SLC24A2: variants seen among roughly 807,000 people sequenced by gnomAD.
The protein encoded by SLC24A2 is sodium/potassium/calcium exchanger 2.
SLC24A2 carries 36 observed loss-of-function variants against 62.0 expected under a neutral mutation model. The observed-to-expected ratio is 0.58, with a 90% confidence interval of 0.44 to 0.77. The LOEUF is 0.77. Ranked by LOEUF, SLC24A2 falls within the 30% of genes least tolerant of loss-of-function variation. SLC24A2 has a pLI of 0.00. For missense variants in SLC24A2, 846 were observed against 817.9 expected, an observed-to-expected ratio of 1.03 and a Z score of -0.42; for synonymous variants, 358 against 294.0, an observed-to-expected ratio of 1.22 and a Z score of -2.23.
chr9:20,203,482 T>C, the SLC24A2 span, among the ~76,000 whole-genome samples: 1 of 152,268 alleles, frequency 6.6e-6, no homozygotes, highest in Admixed American at 6.5e-5. Flanking sequence ...TCTCAGGACT[T>C]GCATGCATCA....
Position 19,714,966 on chromosome 9 carries a change from A to G in SLC24A2, c.930+70971T>C, listed in dbSNP as rs80231625. On this transcript the variant is annotated intron_variant, in intron 2 of 10. Transcript: ENST00000341998. Reference sequence around the variant, plus strand: ...TGGAGAGATGTAAGTCAAATGATACAAAGTAATCCAAGAATTTATGTGAGA... The same window carrying G: ...TGGAGAGATGTAAGTCAAATGATACGAAGTAATCCAAGAATTTATGTGAGA... Among the ~76,000 whole-genome samples, 1,281 of 152,236 alleles carry G rather than the reference A, an allele frequency of 8.4e-3. 68 individuals are homozygous for G. The East Asian group carries it at 0.16, about 19-fold the overall frequency.
chr9:19,538,258 G>A lies in SLC24A2; in HGVS notation c.1480-10120C>T, dbSNP rs1471951279. 2.9e-5 allele frequency among the ~76,000 whole-genome samples: 4 copies of A among 138,442 alleles called. No homozygotes were observed. In the East Asian group the frequency reaches 8.5e-4, roughly 29 times the overall value. The allele number at this position is 138,442 out of a possible 152,430, so 90.8% of individuals were successfully genotyped here. ...ACACTATGTTGAATAGGAGTGGTGA[G>A]AGAGGGCATCCCTGTCTTGTGCCAG... is the stretch of plus-strand genomic sequence containing the variant. On this transcript the variant is annotated intron_variant, in intron 8 of 10. Transcript: ENST00000341998.
At chr9:20,267,601 T>G in the SLC24A2 span, among the ~76,000 whole-genome samples, 1 of 152,158 alleles carries the variant, frequency 6.6e-6, no homozygotes, top group Non-Finnish European at 1.5e-5. Flanking sequence ...GCCTCACCTT[T>G]TCATGGGCTC....
chr9:19,765,207 G>C (rs1822474263), intron 2 of SLC24A2, among the ~76,000 whole-genome samples: 1 of 151,964 alleles, frequency 6.6e-6, no homozygotes, highest in African/African-American at 2.4e-5. Context: ...CATTAGATGG[G>C]TCTCCTGAAT....
At chr9:19,631,615 T>C (rs954053019) in intron 2 of SLC24A2, among the ~76,000 whole-genome samples, 4 of 152,290 alleles carry the variant, frequency 2.6e-5, no homozygotes, top group South Asian at 2.1e-4. Flanking sequence ...TCTGCAAACA[T>C]AGAAGTTTTG....
At chr9:20,208,283 G>T in the SLC24A2 span, among the ~76,000 whole-genome samples, 1 of 152,170 alleles carries the variant, frequency 6.6e-6, no homozygotes, top group African/African-American at 2.4e-5. Context: ...GCATTTGCCA[G>T]CTTTACCAGG....
chr9:20,202,518 G>A, the SLC24A2 span, among the ~76,000 whole-genome samples: 68 of 152,280 alleles, frequency 4.5e-4, no homozygotes, highest in African/African-American at 1.5e-3. Flanking sequence ...CAGTTATGGC[G>A]GGGCCTGAGG....
chr9:20,000,107 T>C, the SLC24A2 span, among the ~76,000 whole-genome samples: 75,885 of 152,002 alleles, frequency 0.5, 19,763 homozygotes, highest in Non-Finnish European at 0.57. Context: ...TTTCTCTGAT[T>C]TACTATTTTT....
the SLC24A2 span, among the ~76,000 whole-genome samples, chr9:19,890,104 C>A: frequency 6.6e-6 from 1 of 152,214 alleles, no homozygotes; most frequent in Non-Finnish European, 1.5e-5. Flanking sequence ...ACACCCGTCT[C>A]TTTCTCTATC....
At chr9:19,844,926 A>T in the SLC24A2 span, among the ~76,000 whole-genome samples, 1 of 145,966 alleles carries the variant, frequency 6.9e-6, no homozygotes, top group African/African-American at 2.5e-5. Context: ...TAGCCTTAGT[A>T]TAGTTTGAAG....
the SLC24A2 span, among the ~76,000 whole-genome samples, chr9:19,975,782 T>C: frequency 6.6e-6 from 1 of 152,206 alleles, no homozygotes; most frequent in African/African-American, 2.4e-5. Flanking sequence ...TGGCTTATCC[T>C]GGCTTTAACC....
At chr9:20,071,376 G>A in the SLC24A2 span, among the ~76,000 whole-genome samples, 1 of 152,088 alleles carries the variant, frequency 6.6e-6, no homozygotes, top group Non-Finnish European at 1.5e-5. Flanking sequence ...TTACTACCAT[G>A]AACAATGCCT....
At chr9:19,781,390 G>A (rs1823016154) in intron 2 of SLC24A2, among the ~76,000 whole-genome samples, 1 of 117,464 alleles carries the variant, frequency 8.5e-6, no homozygotes, top group Non-Finnish European at 1.9e-5. Context: ...AAGGTGGAAG[G>A]GAGAGATAAT....
the SLC24A2 span, among the ~76,000 whole-genome samples, chr9:19,830,878 T>C: frequency 6.6e-6 from 1 of 152,194 alleles, no homozygotes; most frequent in Admixed American, 6.5e-5. Flanking sequence ...AATAGAAATA[T>C]ATGTCTCACA....
At chr9:20,091,162 A>AT in the SLC24A2 span, among the ~76,000 whole-genome samples, 1 of 152,160 alleles carries the variant, frequency 6.6e-6, no homozygotes, top group Non-Finnish European at 1.5e-5. Context: ...AGAAAAAAAA[A>AT]GAATAAGAAA....
At chr9:20,300,776 T>G in the SLC24A2 span, among the ~76,000 whole-genome samples, 4 of 152,214 alleles carry the variant, frequency 2.6e-5, no homozygotes, top group Admixed American at 1.3e-4. Context: ...GGTCTGGAAC[T>G]TATTAAAGAC....
At chr9:20,099,478 T>C in the SLC24A2 span, among the ~76,000 whole-genome samples, 2 of 152,216 alleles carry the variant, frequency 1.3e-5, no homozygotes, top group African/African-American at 2.4e-5. Flanking sequence ...GTGTATATCC[T>C]ATACGTTCTT....
the SLC24A2 span, among the ~76,000 whole-genome samples, chr9:20,140,700 G>C: frequency 1.3e-5 from 2 of 152,042 alleles, no homozygotes; most frequent in East Asian, 3.9e-4. Context: ...GCCATCCCAT[G>C]ATAATGGTCC....
At chr9:20,064,543 G>A in the SLC24A2 span, among the ~76,000 whole-genome samples, 3 of 152,072 alleles carry the variant, frequency 2.0e-5, no homozygotes. Flanking sequence ...ATTTAGATGA[G>A]GTTGTTATTT....
Sources: gnomAD v4.1 joint callset for allele counts (sites outside exome capture counted in the v4.1 genomes callset) on GRCh38, gnomAD v4.1.1 for gene constraint, MANE v1.5 for transcripts, NCBI Gene and HGNC (gene_info 2026-07-23, HGNC 2026-07-21) for gene names.